The following CABCOCO1 variants were observed in gnomAD, a reference collection of about 807,000 sequenced individuals.
CABCOCO1 encodes ciliary-associated calcium-binding coiled-coil protein 1.
In CABCOCO1, 28 loss-of-function variants were observed where a neutral mutation model predicts 35.7. The ratio of observed to expected loss-of-function variants is 0.78; its 90% CI spans 0.58 to 1.07. The LOEUF is 1.07. Among genes scored for constraint, CABCOCO1 ranks in the 50% least tolerant of loss-of-function variants. The pLI is 0.00. For synonymous variants in CABCOCO1, 95 were observed against 100.1 expected, an observed-to-expected ratio of 0.95 and a Z score of 0.30; for missense variants, 326 against 309.2, an observed-to-expected ratio of 1.05 and a Z score of -0.41.
chr10:61,712,574 T>C (rs998515542), intron 5 of CABCOCO1, among the ~76,000 whole-genome samples: 5 of 152,202 alleles, frequency 3.3e-5, no homozygotes, highest in African/African-American at 1.2e-4. Flanking sequence ...CATGAAGTCC[T>C]TGCCCATGCC....
rs571411757 is a variant in CABCOCO1 at position 61,717,865 on chromosome 10, G to A, written c.552+27244G>A. ...TCCAGATTTGAGAAGGTGAAAATAA[G>A]TAACTGCACAAGCAAGGGCATAGAG... is the stretch of plus-strand genomic sequence containing the variant. On this transcript the variant is annotated intron_variant, in intron 5 of 7. Transcript: ENST00000648843. 2.0e-5 allele frequency among the ~76,000 whole-genome samples: 3 copies of A among 152,282 alleles called. No individual in the cohort carries two copies. The East Asian group carries it at 5.8e-4, about 29-fold the overall frequency.
intron 4 of CABCOCO1, among the ~76,000 whole-genome samples, chr10:61,689,010 C>T (rs928702276): frequency 2.0e-5 from 3 of 152,082 alleles, no homozygotes; most frequent in Admixed American, 6.6e-5. Flanking sequence ...AGTGAATTTC[C>T]CTCTTGGCAT....
intron 5 of CABCOCO1, among the ~76,000 whole-genome samples, chr10:61,738,054 TA>T (rs36102340): frequency 0.073 from 10,312 of 141,622 alleles, 786 homozygotes; most frequent in African/African-American, 0.19. Context: ...ATATCTTATT[TA>T]AAAAAAAAAA....
chr10:61,688,522 A>G (rs1429588800), intron 4 of CABCOCO1, among the ~76,000 whole-genome samples: 7 of 152,332 alleles, frequency 4.6e-5, no homozygotes, highest in Admixed American at 2.0e-4. Context: ...TGTATCATGT[A>G]TACAAATATA....
intron 5 of CABCOCO1, among the ~76,000 whole-genome samples, chr10:61,703,343 C>T (rs1488643182): frequency 6.6e-6 from 1 of 151,434 alleles, no homozygotes; most frequent in Non-Finnish European, 1.5e-5. Flanking sequence ...ATTCAATACA[C>T]AGTAACTTAA....
At chr10:61,720,917 CTT>C (rs71018996) in intron 5 of CABCOCO1, among the ~76,000 whole-genome samples, 65 of 65,996 alleles carry the variant, frequency 9.8e-4, no homozygotes, top group Non-Finnish European at 9.1e-4. Context: ...TCTTTTCATT[CTT>C]TTTTTTTTTT....
intron 5 of CABCOCO1, among the ~76,000 whole-genome samples, chr10:61,729,856 A>C (rs1393738975): frequency 1.3e-5 from 2 of 152,184 alleles, no homozygotes; most frequent in African/African-American, 4.8e-5. Flanking sequence ...GAAATAAGTC[A>C]GTTACAGAAA....
chr10:61,758,121 C>T (rs1841936691), intron 5 of CABCOCO1, among the ~76,000 whole-genome samples: 1 of 151,994 alleles, frequency 6.6e-6, no homozygotes, highest in Non-Finnish European at 1.5e-5. Flanking sequence ...CCATTCAATT[C>T]CTTTCTCTCT....
intron 1 of CABCOCO1, among the ~76,000 whole-genome samples, chr10:61,663,829 A>G (rs1839084650): frequency 6.6e-6 from 1 of 152,204 alleles, no homozygotes; most frequent in African/African-American, 2.4e-5. Context: ...TATTATAAAA[A>G]AAAAAGTTTA....
At chr10:61,756,840 T>C (rs1841906941) in intron 5 of CABCOCO1, among the ~76,000 whole-genome samples, 1 of 152,008 alleles carries the variant, frequency 6.6e-6, no homozygotes, top group Non-Finnish European at 1.5e-5. Flanking sequence ...ACATTCTTGA[T>C]CCTTTTCTGT....
chr10:61,685,568 G>A (rs1839931842), intron 3 of CABCOCO1, among the ~76,000 whole-genome samples: 1 of 152,062 alleles, frequency 6.6e-6, no homozygotes, highest in African/African-American at 2.4e-5. Context: ...CGCAGGGTCA[G>A]CGCTATTCCT....
chr10:61,756,252 C>G (rs1181005922), intron 5 of CABCOCO1, among the ~76,000 whole-genome samples: 1 of 152,010 alleles, frequency 6.6e-6, no homozygotes, highest in Non-Finnish European at 1.5e-5. Context: ...TTAAATAACA[C>G]TAATGCAATG....
intron 2 of CABCOCO1, among the ~76,000 whole-genome samples, chr10:61,680,615 TACATAAC>T (rs1454287946): frequency 1.5e-4 from 6 of 41,144 alleles, no homozygotes; most frequent in South Asian, 7.1e-4. Context: ...TAACATGTTA[TACATAAC>T]ATATACATGT....
intron 5 of CABCOCO1, among the ~76,000 whole-genome samples, chr10:61,727,513 C>A (rs1396574435): frequency 6.6e-6 from 1 of 152,062 alleles, no homozygotes; most frequent in African/African-American, 2.4e-5. Flanking sequence ...GAATTTCTCT[C>A]CTGTAAAAGA....
chr10:61,683,336 G>A (rs554204939), intron 3 of CABCOCO1, among the ~76,000 whole-genome samples: 31 of 152,206 alleles, frequency 2.0e-4, no homozygotes, highest in Admixed American at 2.0e-3. Flanking sequence ...AAGGCAAGAG[G>A]AGCATTTGAG....
At chr10:61,704,498 C>T (rs748673260) in intron 5 of CABCOCO1, among the ~76,000 whole-genome samples, 4 of 152,168 alleles carry the variant, frequency 2.6e-5, no homozygotes, top group Non-Finnish European at 5.9e-5. Context: ...CTGAGGCCCA[C>T]CTACAGATGC....
intron 5 of CABCOCO1, among the ~76,000 whole-genome samples, chr10:61,732,871 A>C (rs1401669129): frequency 6.6e-6 from 1 of 152,132 alleles, no homozygotes; most frequent in Non-Finnish European, 1.5e-5. Flanking sequence ...TAAACTAGTG[A>C]AATTGAAAGT....
At chr10:61,722,522 AG>A (rs1465291965) in intron 5 of CABCOCO1, among the ~76,000 whole-genome samples, 1 of 152,220 alleles carries the variant, frequency 6.6e-6, no homozygotes, top group Admixed American at 6.5e-5. Flanking sequence ...CAATAAAAAA[AG>A]AATAAAGCAT....
chr10:61,741,714 G>T (rs931204962), intron 5 of CABCOCO1, among the ~76,000 whole-genome samples: 1 of 152,080 alleles, frequency 6.6e-6, no homozygotes, highest in Non-Finnish European at 1.5e-5. Context: ...TGTACCTGAA[G>T]GGCTGATTAG....
Sources: gnomAD v4.1 joint callset for allele counts (sites outside exome capture counted in the v4.1 genomes callset) on GRCh38, gnomAD v4.1.1 for gene constraint, MANE v1.5 for transcripts, NCBI Gene and HGNC (gene_info 2026-07-23, HGNC 2026-07-21) for gene names.